The following MPDZ variants were observed in gnomAD, a reference collection of about 807,000 sequenced individuals.
MPDZ encodes multiple PDZ domain crumbs cell polarity complex component, also known as multiple PDZ domain protein.
In MPDZ, 234 loss-of-function variants were observed where a neutral mutation model predicts 239.1. The ratio of observed to expected loss-of-function variants is 0.98; its 90% CI spans 0.88 to 1.09. The LOEUF (loss-of-function observed/expected upper bound fraction) is 1.09. MPDZ is among the 50% of genes least tolerant of loss of function. The pLI is 0.00. For missense variants in MPDZ, 3,175 were observed against 2,510.0 expected, an observed-to-expected ratio of 1.26 and a Z score of -5.66; for synonymous variants, 1,048 against 881.3, an observed-to-expected ratio of 1.19 and a Z score of -3.35.
chr9:13,110,297 T>C (rs1394454372), intron 44 of MPDZ, among the ~76,000 whole-genome samples: 1 of 152,198 alleles, frequency 6.6e-6, no homozygotes, highest in Non-Finnish European at 1.5e-5. Flanking sequence ...TTCTTTGATG[T>C]TTTTAAAATG....
intron 24 of MPDZ, 37 bp from the exon 25 acceptor site, chr9:13,150,725 A>C: frequency 7.9e-7 from 1 of 1,271,350 alleles, no homozygotes; most frequent in Non-Finnish European, 1.0e-6. Context: ...CTTAGGAAAA[A>C]TCATAAGGGT....
At chr9:13,234,443 C>G (rs2136945510) in intron 3 of MPDZ, among the ~76,000 whole-genome samples, 2 of 152,152 alleles carry the variant, frequency 1.3e-5, no homozygotes, top group Middle Eastern at 7.1e-3. Context: ...ACAAAAATGA[C>G]TGCTTAGGAT....
chr9:13,128,297 C>T (rs997690671), intron 32 of MPDZ, among the ~76,000 whole-genome samples: 2 of 152,218 alleles, frequency 1.3e-5, no homozygotes, highest in African/African-American at 2.4e-5. Flanking sequence ...AAAGGCACTT[C>T]CTCCTTGCTG....
Position 13,111,159 on chromosome 9 carries a change from C to T in MPDZ, c.5725-419G>A, listed in dbSNP as rs141669567. Among the ~76,000 whole-genome samples the T allele has an allele frequency of 7.2e-5, 11 of 152,336 alleles. 1 individual carries two copies. The East Asian group carries it at 2.1e-3, about 29-fold the overall frequency. Reference sequence around the variant, plus strand: ...CCAGAGGCCAAATTTGGCCCACTGCCTGTTTTGGTTAATAAAGTCTGGTTG... The same window carrying T: ...CCAGAGGCCAAATTTGGCCCACTGCTTGTTTTGGTTAATAAAGTCTGGTTG... On this transcript the variant is annotated intron_variant, in intron 43 of 46. Transcript: ENST00000319217.
chr9:13,235,169 C>T (rs1010071706), intron 3 of MPDZ, among the ~76,000 whole-genome samples: 1 of 152,082 alleles, frequency 6.6e-6, no homozygotes, highest in East Asian at 1.9e-4. Context: ...GATTTAATGA[C>T]CCTTATTTTT....
chr9:13,153,994 T>TC (rs1949520346), intron 24 of MPDZ, among the ~76,000 whole-genome samples: 1 of 152,154 alleles, frequency 6.6e-6, no homozygotes, highest in Non-Finnish European at 1.5e-5. Context: ...ACATATACTT[T>TC]CATTTAATTT....
intron 10 of MPDZ, among the ~76,000 whole-genome samples, chr9:13,211,150 T>G (rs1046172752): frequency 1.3e-5 from 2 of 152,080 alleles, no homozygotes; most frequent in African/African-American, 4.8e-5. Flanking sequence ...GGGAAAAATT[T>G]TATTACTAAT....
intron 1 of MPDZ, among the ~76,000 whole-genome samples, chr9:13,267,091 A>C (rs969921486): frequency 3.3e-5 from 5 of 152,244 alleles, no homozygotes; most frequent in African/African-American, 1.2e-4. Flanking sequence ...TAAAGCAACA[A>C]TCTATTATTT....
At chr9:13,132,749 C>A (rs895021990) in intron 32 of MPDZ, among the ~76,000 whole-genome samples, 7 of 152,068 alleles carry the variant, frequency 4.6e-5, no homozygotes, top group Non-Finnish European at 8.8e-5. Flanking sequence ...TTATTAAGTC[C>A]ATTTTCAAAA....
At chr9:13,259,737 G>A (rs1357645201) in intron 1 of MPDZ, among the ~76,000 whole-genome samples, 3 of 152,118 alleles carry the variant, frequency 2.0e-5, no homozygotes, top group Non-Finnish European at 2.9e-5. Flanking sequence ...CTGGATTGGG[G>A]CTGAGGAAAA....
chr9:13,205,055 T>C lies in MPDZ; in HGVS notation c.1527A>G (p.Ile509Met), dbSNP rs1587773501. 2 of 1,464,042 alleles carry C rather than the reference T, an allele frequency of 1.4e-6. No individual in the cohort carries two copies. Among genetic ancestry groups the C allele is most frequent in the East Asian group, 2.7e-5 (1 of 37,456 alleles). 90.7% of individuals were successfully genotyped at this position (1,464,042 alleles called of 1,614,324 possible). ...DFLSSTRNTN[I>M]LPTEEEGYPL... ...GTTTACCTTCTTCTTCAGTTGGTAA[T>C]ATGTTGGTGTTTCTCGTCGAAGATA... The change falls in exon 12 of 47, where the codon ATA (isoleucine) becomes ATG (methionine). Residue 509 changes from isoleucine (I) to methionine (M), a missense_variant. Transcript: ENST00000319217.
At chr9:13,270,891 T>C (rs1400681932) in intron 1 of MPDZ, among the ~76,000 whole-genome samples, 1 of 152,186 alleles carries the variant, frequency 6.6e-6, no homozygotes, top group Non-Finnish European at 1.5e-5. Flanking sequence ...ATTCACTATA[T>C]GACTGTCATA....
At position 13,106,755 on chromosome 9, in the gene MPDZ, G is replaced by C. The variant is rs62532651; in HGVS notation, c.*210C>G. On this transcript the variant is annotated 3_prime_UTR_variant, in exon 47 of 47. Coordinates refer to ENST00000319217, the MANE Select transcript of MPDZ (RefSeq NM_001378778.1). ...CTACACAAATATTCCTTCTCTTTAAGTTCACAAAATGCAAGAAGAAAAGAA... is the reference window on the plus strand; with the variant it reads ...CTACACAAATATTCCTTCTCTTTAACTTCACAAAATGCAAGAAGAAAAGAA... 1 of 520,876 alleles carries C rather than the reference G, an allele frequency of 1.9e-6. No homozygotes were observed. The highest frequency in any genetic ancestry group is 3.4e-6 in the Non-Finnish European group (1 of 297,790). The allele number at this position is 520,876 out of a possible 1,614,324, so 32.3% of individuals were successfully genotyped here.
chr9:13,196,324 G>C (rs1955641007), intron 12 of MPDZ, 94 bp from the exon 13 acceptor site: 2 of 786,886 alleles, frequency 2.5e-6, no homozygotes, highest in Admixed American at 2.4e-5. Flanking sequence ...AGAACCCGCT[G>C]TATCACGTCA....
At chr9:13,241,524 A>G (rs1965403762) in intron 3 of MPDZ, among the ~76,000 whole-genome samples, 1 of 152,198 alleles carries the variant, frequency 6.6e-6, no homozygotes, top group Non-Finnish European at 1.5e-5. Context: ...TAGCAAGCAT[A>G]TAGGTGAATC....
chr9:13,211,759 AG>A (rs1284803618), intron 10 of MPDZ, among the ~76,000 whole-genome samples: 1 of 152,032 alleles, frequency 6.6e-6, no homozygotes, highest in Non-Finnish European at 1.5e-5. Flanking sequence ...TTCCCAGGTA[AG>A]TTTTTAAGTA....
intron 21 of MPDZ, among the ~76,000 whole-genome samples, chr9:13,170,845 T>C (rs1951694784): frequency 6.6e-6 from 1 of 152,214 alleles, no homozygotes; most frequent in South Asian, 2.1e-4. Flanking sequence ...GAGCTTATAC[T>C]TTCCTTTCAC....
At chr9:13,123,083 C>G in intron 36 of MPDZ, 70 bp downstream of exon 36, 1 of 1,442,678 alleles carries the variant, frequency 6.9e-7, no homozygotes, top group Non-Finnish European at 9.2e-7. Context: ...TGATAGAAAT[C>G]TCCCCATAAT....
At position 13,238,437 on chromosome 9, in the gene MPDZ, C is replaced by T. The variant is rs191809820; in HGVS notation, c.183+9198G>A. Among the ~76,000 whole-genome samples the T allele has an allele frequency of 4.9e-3, 742 of 152,252 alleles. 4 individuals carry two copies. Among genetic ancestry groups the T allele is most frequent in the Middle Eastern group, 0.014 (4 of 294 alleles). ...AAATCAGACACCCCCTTCTCAAGCC[C>T]GCCTATAAAATATGCTGCAGTCGGC... On this transcript the variant is annotated intron_variant, in intron 3 of 46. Coordinates refer to ENST00000319217, the MANE Select transcript of MPDZ (RefSeq NM_001378778.1).
Sources: gnomAD v4.1 joint callset for allele counts (sites outside exome capture counted in the v4.1 genomes callset) on GRCh38, gnomAD v4.1.1 for gene constraint, MANE v1.5 for transcripts, NCBI Gene and HGNC (gene_info 2026-07-23, HGNC 2026-07-21) for gene names.